Variants in NEGR1 observed in about 807,000 individuals in gnomAD.
NEGR1 encodes neuronal growth regulator 1.
A neutral mutation model predicts 40.9 loss-of-function variants in NEGR1; 10 were observed. That is an observed-to-expected ratio of 0.24 (90% CI 0.15 to 0.42). The LOEUF is 0.42. NEGR1 is among the 10% of genes least tolerant of loss of function. The probability of loss-of-function intolerance (pLI) is 1.00; values close to 1 mark genes in which losing one functional copy is unlikely to be tolerated. For missense variants in NEGR1, 352 were observed against 438.9 expected (o/e 0.80, Z 1.77); for synonymous variants, 185 against 166.8 (o/e 1.11, Z -0.84).
chr1:71,682,404 T>C (rs1008233234), intron 4 of NEGR1, among the ~76,000 whole-genome samples: 4 of 152,230 alleles, frequency 2.6e-5, no homozygotes, highest in Admixed American at 6.5e-5. Context: ...TTGTTTTCAC[T>C]GATTATTATT....
At chr1:71,777,966 G>T (rs1427877181) in intron 2 of NEGR1, among the ~76,000 whole-genome samples, 3 of 151,784 alleles carry the variant, frequency 2.0e-5, no homozygotes, top group Non-Finnish European at 2.9e-5. Flanking sequence ...CCCAAACAGA[G>T]GGGTCTTTTC....
At chr1:72,188,041 G>T (rs1652674697) in intron 1 of NEGR1, among the ~76,000 whole-genome samples, 1 of 151,330 alleles carries the variant, frequency 6.6e-6, no homozygotes, top group African/African-American at 2.4e-5. Context: ...TCATTCTAAG[G>T]ATTAGAATAG....
Position 71,403,957 on chromosome 1 carries a change from A to G in NEGR1, c.*3489T>C. 2.7e-6 allele frequency: 1 copy of G among 365,244 alleles called. No homozygotes were observed. Among genetic ancestry groups the G allele is most frequent in the Non-Finnish European group, 4.9e-6 (1 of 202,274 alleles). 22.6% of individuals were successfully genotyped at this position (365,244 alleles called of 1,614,324 possible). On this transcript the variant is annotated 3_prime_UTR_variant, in exon 7 of 7. Coordinates refer to ENST00000357731, the MANE Select transcript of NEGR1 (RefSeq NM_173808.3). ...ACTTCAATAAATAGTTAAAAACCTG[A>G]CCTCTTTTTAAATCATTTCTGGATT... is the stretch of plus-strand genomic sequence containing the variant.
chr1:71,710,321 T>A (rs1230450887), intron 3 of NEGR1, among the ~76,000 whole-genome samples: 2 of 152,054 alleles, frequency 1.3e-5, no homozygotes, highest in Admixed American at 6.5e-5. Flanking sequence ...GTTTAGAGAT[T>A]CCCCTAAAAC....
intron 1 of NEGR1, among the ~76,000 whole-genome samples, chr1:72,238,047 A>G (rs990581366): frequency 2.0e-5 from 3 of 151,870 alleles, no homozygotes; most frequent in Non-Finnish European, 4.4e-5. Flanking sequence ...GTCTTACTAC[A>G]TAAGTTTTTA....
intron 1 of NEGR1, among the ~76,000 whole-genome samples, chr1:72,175,222 C>T (rs1652124138): frequency 6.6e-6 from 1 of 151,914 alleles, no homozygotes; most frequent in East Asian, 1.9e-4. Flanking sequence ...TATAACAGAT[C>T]ATTAGATTAT....
At chr1:72,180,014 C>T (rs899673781) in intron 1 of NEGR1, among the ~76,000 whole-genome samples, 1 of 151,748 alleles carries the variant, frequency 6.6e-6, no homozygotes, top group African/African-American at 2.4e-5. Context: ...GCATTTATAA[C>T]AGAAATAGAA....
chr1:71,706,859 C>T (rs1653919002), intron 3 of NEGR1, among the ~76,000 whole-genome samples: 2 of 152,000 alleles, frequency 1.3e-5, no homozygotes, highest in African/African-American at 4.8e-5. Context: ...CCAGGTACTA[C>T]ATTGAGGGTC....
At chr1:72,263,415 G>A (rs1346843554) in intron 1 of NEGR1, among the ~76,000 whole-genome samples, 1 of 151,392 alleles carries the variant, frequency 6.6e-6, no homozygotes, top group African/African-American at 2.4e-5. Context: ...TCATGTAGAT[G>A]GATAAGCATT....
At chr1:72,277,392 G>T (rs1161979237) in intron 1 of NEGR1, among the ~76,000 whole-genome samples, 1 of 152,146 alleles carries the variant, frequency 6.6e-6, no homozygotes, top group Non-Finnish European at 1.5e-5. Flanking sequence ...TAATTGCAAA[G>T]TCTATCTATT....
chr1:71,611,199 AACAGAAATATG>A, intron 4 of NEGR1, 53 bp from the exon 5 acceptor site: 1 of 1,523,558 alleles, frequency 6.6e-7, no homozygotes, highest in Non-Finnish European at 9.1e-7. Context: ...AATAATCCTC[AACAGAAATATG>A]ACACACATAT....
At chr1:71,824,954 G>A (rs1435141810) in intron 2 of NEGR1, among the ~76,000 whole-genome samples, 1 of 151,810 alleles carries the variant, frequency 6.6e-6, no homozygotes, top group African/African-American at 2.4e-5. Context: ...GAATTAGACT[G>A]CTTTTGTTAT....
chr1:72,203,206 G>C (rs1193833738), intron 1 of NEGR1, among the ~76,000 whole-genome samples: 1 of 152,002 alleles, frequency 6.6e-6, no homozygotes, highest in Non-Finnish European at 1.5e-5. Flanking sequence ...CTGAGTAAAG[G>C]AAATTGAAAA....
chr1:71,809,169 T>A (rs1294755117), intron 2 of NEGR1, among the ~76,000 whole-genome samples: 2 of 152,198 alleles, frequency 1.3e-5, no homozygotes, highest in African/African-American at 4.8e-5. Flanking sequence ...TTCCAATTTA[T>A]TCGTGTTGCA....
chr1:71,646,394 G>T (rs1651531510), intron 4 of NEGR1, among the ~76,000 whole-genome samples: 1 of 151,698 alleles, frequency 6.6e-6, no homozygotes, highest in Non-Finnish European at 1.5e-5. Flanking sequence ...TTTATAAATG[G>T]CTCTGAATAT....
At chr1:71,615,452 T>C (rs1344292041) in intron 4 of NEGR1, among the ~76,000 whole-genome samples, 3 of 152,148 alleles carry the variant, frequency 2.0e-5, no homozygotes, top group Non-Finnish European at 2.9e-5. Context: ...AAGAATTAAA[T>C]GATGTGAGAA....
intron 1 of NEGR1, among the ~76,000 whole-genome samples, chr1:72,186,763 T>A (rs1255334456): frequency 6.6e-6 from 1 of 151,610 alleles, no homozygotes; most frequent in Non-Finnish European, 1.5e-5. Context: ...AAAACAGGAA[T>A]GATAAATTCT....
chr1:71,700,770 T>G (rs1027216084), intron 3 of NEGR1, among the ~76,000 whole-genome samples: 1 of 151,916 alleles, frequency 6.6e-6, no homozygotes, highest in Admixed American at 6.6e-5. Flanking sequence ...ACTAAAGTGA[T>G]TAGCTTATAT....
chr1:72,075,227 A>G (rs1245396251), intron 1 of NEGR1, among the ~76,000 whole-genome samples: 1 of 152,182 alleles, frequency 6.6e-6, no homozygotes, highest in Non-Finnish European at 1.5e-5. Flanking sequence ...AGTTTTGAAA[A>G]TATACAGGGA....
Sources: allele counts gnomAD v4.1 joint callset (sites outside exome capture counted in the v4.1 genomes callset), GRCh38; gene constraint gnomAD v4.1.1; transcripts MANE v1.5; gene names NCBI Gene and HGNC (gene_info 2026-07-23, HGNC 2026-07-21).